Variants in VRK1 observed in about 807,000 individuals in gnomAD.
VRK1 encodes the protein VRK serine/threonine kinase 1, also known as serine/threonine-protein kinase VRK1.
VRK1 carries 33 observed loss-of-function variants against 57.1 expected under a neutral mutation model. The observed-to-expected ratio is 0.58, with a 90% CI of 0.44 to 0.77. VRK1 has a LOEUF of 0.77. Among genes scored for constraint, VRK1 ranks in the 30% least tolerant of loss-of-function variants. The pLI is 0.00. For missense variants in VRK1, 413 were observed against 477.3 expected (o/e 0.87, Z 1.25); for synonymous variants, 137 against 147.8 (o/e 0.93, Z 0.53).
intron 2 of VRK1, among the ~76,000 whole-genome samples, chr14:96,835,193 C>A (rs1412779623): frequency 1.3e-5 from 2 of 152,162 alleles, no homozygotes; most frequent in African/African-American, 4.8e-5. Flanking sequence ...CTCTATGATA[C>A]ACTGAAACAG....
chr14:96,844,089 G>C (rs1887576643), intron 3 of VRK1, among the ~76,000 whole-genome samples: 3 of 152,194 alleles, frequency 2.0e-5, no homozygotes, highest in Admixed American at 2.0e-4. Flanking sequence ...CCAAAGGTAA[G>C]CTTTGGAGAG....
At chr14:96,874,151 G>A (rs1432555434) in intron 11 of VRK1, among the ~76,000 whole-genome samples, 1 of 152,182 alleles carries the variant, frequency 6.6e-6, no homozygotes, top group Non-Finnish European at 1.5e-5. Flanking sequence ...TGCATTCTCT[G>A]CTGTATGGAA....
At position 96,877,487 on chromosome 14, in the gene VRK1, TC is replaced by T. The variant is rs1163767921; in HGVS notation, c.1159+1368del. 80 of 1,289,318 alleles carry T rather than the reference TC, an allele frequency of 6.2e-5. 1 individual carries two copies. The highest frequency in any genetic ancestry group is 2.1e-4 in the Admixed American group (9 of 43,526). 79.9% of individuals were successfully genotyped at this position (1,289,318 alleles called of 1,614,324 possible). On this transcript the variant is annotated intron_variant, in intron 12 of 12. Coordinates refer to ENST00000216639, the MANE Select transcript of VRK1 (RefSeq NM_003384.3). ...TTTTTCCTCCTTTCCCCTGTCTTGT[TC>T]ATTTTGTTATTAGGAAGTGAGGAGT...
At chr14:96,837,916 GAT>G in intron 3 of VRK1, 99 bp downstream of exon 3, 1 of 707,254 alleles carries the variant, frequency 1.4e-6, no homozygotes, top group Non-Finnish European at 2.2e-6. Flanking sequence ...TAAACCATAA[GAT>G]ACTACATTTT....
chr14:96,803,158 T>A (rs1885729941), intron 1 of VRK1, among the ~76,000 whole-genome samples: 3 of 151,272 alleles, frequency 2.0e-5, no homozygotes, highest in Non-Finnish European at 4.4e-5. Flanking sequence ...GCAAGACTAG[T>A]GATGCTGGCA....
At chr14:96,836,821 G>T (rs2139756688) in intron 2 of VRK1, among the ~76,000 whole-genome samples, 1 of 152,180 alleles carries the variant, frequency 6.6e-6, no homozygotes, top group East Asian at 1.9e-4. Context: ...GAGCCATTGT[G>T]CTCAGTCCAG....
intron 11 of VRK1, among the ~76,000 whole-genome samples, chr14:96,866,915 C>T (rs1888608861): frequency 6.6e-6 from 1 of 152,170 alleles, no homozygotes; most frequent in African/African-American, 2.4e-5. Context: ...TCCAAAATGT[C>T]TCCACTCATT....
rs373918045 is a variant in VRK1, at chr14:96,872,455, TAGA to T, written c.1069-3574_1069-3572del. On this transcript the variant is annotated intron_variant, in intron 11 of 12. Transcript: ENST00000216639. ...GGGAACATACGTAGTAGAAGAGAAA[TAGA>T]GGAGGTTATGAAAATAGTTTACATG... is the stretch of plus-strand genomic sequence containing the variant. Among the ~76,000 whole-genome samples, 218 of 152,188 alleles carry T rather than the reference TAGA, an allele frequency of 1.4e-3. 3 individuals carry two copies. Among genetic ancestry groups the T allele is most frequent in the African/African-American group, 5.0e-3 (207 of 41,496 alleles).
chr14:96,817,367 G>A (rs556112392), intron 1 of VRK1, among the ~76,000 whole-genome samples: 2 of 151,574 alleles, frequency 1.3e-5, no homozygotes, highest in African/African-American at 4.8e-5. Flanking sequence ...TTTGTTTATG[G>A]CTTTTTTTTA....
rs1889259424 is a variant in VRK1 at position 96,881,565 on chromosome 14, A to T, written c.*357A>T. 1 of 188,446 alleles carries T rather than the reference A, an allele frequency of 5.3e-6. No individual in the cohort carries two copies. The highest frequency in any genetic ancestry group is 5.6e-5 in the Admixed American group (1 of 17,770). 11.7% of individuals were successfully genotyped at this position (188,446 alleles called of 1,614,324 possible). A position where few individuals can be genotyped will look rare whatever the true frequency, so the allele number is the denominator to read the frequency against. ...TGACAAAGTCCTCACTTTTAAGGAA[A>T]TGCAAAGCTTAAAATAAAACTCTCT... On this transcript the variant is annotated 3_prime_UTR_variant, in exon 13 of 13. Coordinates refer to ENST00000216639, the MANE Select transcript of VRK1 (RefSeq NM_003384.3).
chr14:96,813,547 T>C (rs958513945), intron 1 of VRK1, among the ~76,000 whole-genome samples: 2 of 152,292 alleles, frequency 1.3e-5, no homozygotes, highest in Non-Finnish European at 2.9e-5. Context: ...ACAAAACTTT[T>C]CGGAAGACGT....
In VRK1 at chr14:96,860,673, G is replaced by A; in HGVS notation, c.1006G>A (p.Asp336Asn). ...ACTAAAAGCTATAGGAAGTAAGGATGATGGCAAATTGGACCTCAGTGTTGT... is the reference window on the plus strand; with the variant it reads ...ACTAAAAGCTATAGGAAGTAAGGATAATGGCAAATTGGACCTCAGTGTTGT... ...QGLKAIGSKD[D>N]GKLDLSVVEN... The change falls in exon 11 of 13, where the codon GAT (aspartate) becomes AAT (asparagine). Residue 336 changes from aspartate to asparagine, a missense_variant. Asp to Asn is a conservative substitution (Grantham distance 23). This residue lies in a region of VRK1 where 146 missense variants were observed against 138.2 expected (regional missense o/e 1.06). Coordinates refer to ENST00000216639, the MANE Select transcript of VRK1 (RefSeq NM_003384.3). 1 of 1,613,418 alleles carries A rather than the reference G, an allele frequency of 6.2e-7. No individual in the cohort carries two copies. Among genetic ancestry groups the A allele is most frequent in the Admixed American group, 1.7e-5 (1 of 60,014 alleles).
rs541847665 is a variant in VRK1 at position 96,879,280 on chromosome 14, A to G, written c.1160-1897A>G. On this transcript the variant is annotated intron_variant, in intron 12 of 12. Coordinates refer to ENST00000216639, the MANE Select transcript of VRK1 (RefSeq NM_003384.3). ...ACAATCAGAATTGATTATTAGGGAAAATATTGAATTGATTTATGCAGCAAA... is the reference window on the plus strand; with the variant it reads ...ACAATCAGAATTGATTATTAGGGAAGATATTGAATTGATTTATGCAGCAAA... Among the ~76,000 whole-genome samples, 4 of 152,252 alleles carry G rather than the reference A, an allele frequency of 2.6e-5. No homozygotes were observed. In the South Asian group the frequency reaches 8.3e-4, roughly 32 times the overall value.
chr14:96,831,678 A>C (rs145033451), intron 1 of VRK1, among the ~76,000 whole-genome samples: 1 of 152,338 alleles, frequency 6.6e-6, no homozygotes, highest in East Asian at 1.9e-4. Context: ...ATTTCAGAAA[A>C]ACACAAAAGA....
At chr14:96,805,992 T>TC (rs1384605453) in intron 1 of VRK1, among the ~76,000 whole-genome samples, 1 of 147,400 alleles carries the variant, frequency 6.8e-6, no homozygotes, top group Non-Finnish European at 1.5e-5. Flanking sequence ...TTCTTTTTTT[T>TC]TTTTTTTTTC....
chr14:96,876,754 T>C (rs1889046821), intron 12 of VRK1, among the ~76,000 whole-genome samples: 1 of 144,522 alleles, frequency 6.9e-6, no homozygotes, highest in Non-Finnish European at 1.5e-5. Flanking sequence ...TTATGGATGA[T>C]CACTTTTCAA....
At chr14:96,878,196 A>C (rs1889117246) in intron 12 of VRK1, among the ~76,000 whole-genome samples, 1 of 152,220 alleles carries the variant, frequency 6.6e-6, no homozygotes, top group Non-Finnish European at 1.5e-5. Flanking sequence ...TGATGGTAAA[A>C]TATTATTGCT....
intron 11 of VRK1, among the ~76,000 whole-genome samples, chr14:96,861,285 G>GTATT (rs1381806691): frequency 6.6e-6 from 1 of 152,114 alleles, no homozygotes; most frequent in East Asian, 1.9e-4. Context: ...TATGGTAGAA[G>GTATT]TATTATACAA....
At chr14:96,801,862 C>G (rs927303528) in intron 1 of VRK1, among the ~76,000 whole-genome samples, 1 of 151,988 alleles carries the variant, frequency 6.6e-6, no homozygotes, top group African/African-American at 2.4e-5. Context: ...TGAGTAGGCT[C>G]AGGAGGAGGA....
Sources: allele counts gnomAD v4.1 joint callset (sites outside exome capture counted in the v4.1 genomes callset), GRCh38; gene constraint gnomAD v4.1.1; regional missense constraint gnomAD v4.1.1; transcripts MANE v1.5; gene names NCBI Gene and HGNC (gene_info 2026-07-23, HGNC 2026-07-21).